The following MROH2A variants were observed in gnomAD, a reference collection of about 807,000 sequenced individuals.
MROH2A encodes the protein maestro heat like repeat family member 2A.
In MROH2A, 174 loss-of-function variants were observed where a neutral mutation model predicts 200.4. The ratio of observed to expected loss-of-function variants is 0.87; its 90% CI spans 0.77 to 0.98. MROH2A has a LOEUF of 0.98. Ranked by LOEUF, MROH2A falls within the 50% of genes least tolerant of loss-of-function variation. The pLI is 0.00. For missense variants in MROH2A, 2,045 were observed against 2,139.6 expected, an observed-to-expected ratio of 0.96 and a Z score of 0.87; for synonymous variants, 829 against 840.4, an observed-to-expected ratio of 0.99 and a Z score of 0.23.
At chr2:233,798,424 G>A (rs569462456) in intron 11 of MROH2A, among the ~76,000 whole-genome samples, 4 of 152,298 alleles carry the variant, frequency 2.6e-5, no homozygotes, top group South Asian at 4.1e-4. Flanking sequence ...TGCTCTTCAC[G>A]GTGGTGCTTT....
At chr2:233,818,809 C>A in intron 29 of MROH2A, 39 bp downstream of exon 29, 1 of 1,363,408 alleles carries the variant, frequency 7.3e-7, no homozygotes, top group Non-Finnish European at 1.0e-6. Context: ...CCAGGCTGGT[C>A]TCAGGGCCCT....
At chr2:233,780,802 A>T (rs1398087590) in intron 3 of MROH2A, among the ~76,000 whole-genome samples, 3 of 152,134 alleles carry the variant, frequency 2.0e-5, no homozygotes, top group Non-Finnish European at 4.4e-5. Context: ...TATATTCACA[A>T]CCTACAGTGC....
chr2:233,777,487 C>T (rs913367650), upstream of MROH2A, among the ~76,000 whole-genome samples: 1 of 152,210 alleles, frequency 6.6e-6, no homozygotes, highest in Non-Finnish European at 1.5e-5. Flanking sequence ...ATCAATGTAT[C>T]TCCAAGTGCA....
At position 233,799,960 on chromosome 2, in the gene MROH2A, C is replaced by T. The variant is rs377370850; in HGVS notation, c.1449+61C>T. 9.1e-6 allele frequency: 14 copies of T among 1,544,434 alleles called. No individual in the cohort carries two copies. The East Asian group carries it at 1.2e-4, about 13-fold the overall frequency. ...GGACTTGGAAATGGTTTCCACAGTG[C>T]TGAGGGGAGAATGCCACTCAGCGTA... On this transcript the variant is annotated intron_variant, in intron 13 of 41. Coordinates refer to ENST00000389758, the MANE Select transcript of MROH2A (RefSeq NM_001394639.1).
intron 3 of MROH2A, among the ~76,000 whole-genome samples, chr2:233,782,331 A>G (rs926898846): frequency 6.6e-6 from 1 of 152,232 alleles, no homozygotes; most frequent in African/African-American, 2.4e-5. Flanking sequence ...ATCAGTGAGC[A>G]TGAAATAGCT....
At chr2:233,830,622 A>AGGTGGCCCAGGTGGGATGGCCCT (rs1327217486) in intron 38 of MROH2A, among the ~76,000 whole-genome samples, 1 of 64,468 alleles carries the variant, frequency 1.6e-5, no homozygotes, top group African/African-American at 3.8e-5. Context: ...GGGATGGCCC[A>AGGTGGCCCAGGTGGGATGGCCCT]GGTGGCCCAG....
intron 18 of MROH2A, 106 bp from the exon 19 acceptor site, chr2:233,804,898 A>C: frequency 1.6e-6 from 1 of 631,840 alleles, no homozygotes; most frequent in South Asian, 1.9e-5. Context: ...AAGGGAAGCG[A>C]GAGAGGGCAA....
At chr2:233,823,121 CCTT>C in intron 34 of MROH2A, 103 bp downstream of exon 34, 1 of 1,296,218 alleles carries the variant, frequency 7.7e-7, no homozygotes, top group South Asian at 1.4e-5. Context: ...TGGCTGAAGG[CCTT>C]CTTTCTGGGG....
Position 233,800,194 on chromosome 2 carries a change from C to A in MROH2A, c.1450-11C>A. On this transcript the variant is annotated splice_polypyrimidine_tract_variant and intron_variant, in intron 13 of 41. Coordinates refer to ENST00000389758, the MANE Select transcript of MROH2A (RefSeq NM_001394639.1). ...GGCCACAGGTGGGAATCCCTTGGTT[C>A]TTTCTTCCAGACAAATCGCCGGGAG... 3 of 1,537,334 alleles carry A rather than the reference C, an allele frequency of 2.0e-6. No individual in the cohort carries two copies. Among genetic ancestry groups the A allele is most frequent in the Non-Finnish European group, 1.8e-6 (2 of 1,138,116 alleles).
chr2:233,832,766 G>GA, intron 41 of MROH2A, 122 bp downstream of exon 41: 3 of 478,870 alleles, frequency 6.3e-6, no homozygotes, highest in South Asian at 1.9e-5. Context: ...GGGGGGGTGG[G>GA]AGTGCAACCA....
chr2:233,823,934 G>C (rs1297369497), intron 35 of MROH2A, among the ~76,000 whole-genome samples: 1 of 152,178 alleles, frequency 6.6e-6, no homozygotes, highest in Admixed American at 6.5e-5. Context: ...GGGGACCCAG[G>C]GAGGGCACCT....
chr2:233,829,519 C>T (rs1704568104), intron 37 of MROH2A, 101 bp from the exon 38 acceptor site: 2 of 1,165,652 alleles, frequency 1.7e-6, no homozygotes, highest in South Asian at 4.6e-5. Flanking sequence ...ATCCAGAAGG[C>T]TCTGCAGGGA....
At chr2:233,795,036 C>T (rs541536293) in intron 8 of MROH2A, among the ~76,000 whole-genome samples, 1 of 152,322 alleles carries the variant, frequency 6.6e-6, no homozygotes, top group South Asian at 2.1e-4. Flanking sequence ...CCTCTTCTTA[C>T]AAGGACACCT....
At chr2:233,799,022 C>T (rs554465927) in intron 12 of MROH2A, among the ~76,000 whole-genome samples, 172 bp downstream of exon 12, 8 of 152,278 alleles carry the variant, frequency 5.3e-5, no homozygotes, top group South Asian at 2.1e-4. Context: ...GTTCCACTCT[C>T]GAGACCTCAT....
intron 12 of MROH2A, among the ~76,000 whole-genome samples, chr2:233,799,414 C>T (rs951452995): frequency 7.9e-5 from 12 of 152,074 alleles, no homozygotes; most frequent in African/African-American, 1.2e-4. Context: ...TGGAGGGAAG[C>T]GAGAAGAGGC....
In MROH2A at chr2:233,819,879, G is replaced by A. The variant is rs1045579869; in HGVS notation, c.3358-23G>A. 5.3e-5 allele frequency: 78 copies of A among 1,485,042 alleles called. 1 individual carries two copies. Among genetic ancestry groups the A allele is most frequent in the South Asian group, 1.1e-4 (8 of 74,716 alleles). 92.0% of individuals were successfully genotyped at this position (1,485,042 alleles called of 1,614,324 possible). A position where few individuals can be genotyped will look rare whatever the true frequency, so the allele number is the denominator to read the frequency against. ...GCCATAGGGGCCTGGGCTGCCCCCC[G>A]GTGATGCCCCATCCCTACCTAGGTG... is the stretch of plus-strand genomic sequence containing the variant. On this transcript the variant is annotated intron_variant, in intron 30 of 41. Transcript: ENST00000389758.
At chr2:233,788,340 A>G (rs1160486852) in intron 3 of MROH2A, among the ~76,000 whole-genome samples, 2 of 149,716 alleles carry the variant, frequency 1.3e-5, no homozygotes, top group East Asian at 3.9e-4. Context: ...CACAGCACTG[A>G]GCAGCTACTA....
At position 233,779,654 on chromosome 2, in the gene MROH2A, G is replaced by A. The variant is rs1575883616; in HGVS notation, c.95-17G>A. 6.5e-7 allele frequency: 1 copy of A among 1,549,886 alleles called. No individual in the cohort carries two copies. The highest frequency in any genetic ancestry group is 2.0e-5 in the Admixed American group (1 of 50,976). On this transcript the variant is annotated splice_polypyrimidine_tract_variant and intron_variant, in intron 2 of 41. Transcript: ENST00000389758. ...GGTCATTTCCACACTGCACCTGGGT[G>A]GCGTTTGTTTTCATAGGTACCTTTC... is the stretch of plus-strand genomic sequence containing the variant.
intron 26 of MROH2A, 58 bp downstream of exon 26, chr2:233,814,735 A>C: frequency 8.3e-7 from 1 of 1,197,798 alleles, no homozygotes; most frequent in Non-Finnish European, 1.2e-6. Flanking sequence ...CAGAAGCTGG[A>C]CTGAGGGCCA....
Sources: gnomAD v4.1 joint callset for allele counts (sites outside exome capture counted in the v4.1 genomes callset) on GRCh38, gnomAD v4.1.1 for gene constraint, MANE v1.5 for transcripts, NCBI Gene and HGNC (gene_info 2026-07-23, HGNC 2026-07-21) for gene names.